VPS41: variants seen among roughly 807,000 people sequenced by gnomAD.
VPS41 encodes vacuolar protein sorting-associated protein 41 homolog.
Under a neutral mutation model 130.9 loss-of-function variants are expected in VPS41, and 85 were observed. That is an observed-to-expected ratio of 0.65 (90% CI 0.55 to 0.78). The LOEUF is 0.78. Ranked by LOEUF, VPS41 falls within the 30% of genes least tolerant of loss-of-function variation. The pLI is 0.00. For synonymous variants in VPS41, 335 were observed against 332.9 expected (o/e 1.01, Z -0.07); for missense variants, 874 against 1,018.7 (o/e 0.86, Z 1.93).
chr7:38,832,200 G>A (rs1785399432), intron 4 of VPS41, among the ~76,000 whole-genome samples: 1 of 150,674 alleles, frequency 6.6e-6, no homozygotes, highest in Non-Finnish European at 1.5e-5. Context: ...CTATTTTTAG[G>A]GTATGAGGTA....
At chr7:38,823,290 T>G (rs532137919) in intron 5 of VPS41, among the ~76,000 whole-genome samples, 1 of 152,324 alleles carries the variant, frequency 6.6e-6, no homozygotes, top group South Asian at 2.1e-4. Flanking sequence ...TCATCCCTTC[T>G]GCCATGTGAA....
At chr7:38,837,819 AT>A (rs1339266859) in intron 4 of VPS41, among the ~76,000 whole-genome samples, 1 of 152,244 alleles carries the variant, frequency 6.6e-6, no homozygotes, top group Non-Finnish European at 1.5e-5. Context: ...GTGCTAAGTT[AT>A]TAATGTTTGG....
At chr7:38,776,489 G>A (rs1784260492) in intron 11 of VPS41, among the ~76,000 whole-genome samples, 190 bp downstream of exon 11, 1 of 152,152 alleles carries the variant, frequency 6.6e-6, no homozygotes, top group South Asian at 2.1e-4. Context: ...TAGGAACAAA[G>A]GCAGGCAATG....
intron 1 of VPS41, among the ~76,000 whole-genome samples, chr7:38,900,950 G>A (rs1787126875): frequency 6.6e-6 from 1 of 152,208 alleles, no homozygotes; most frequent in Non-Finnish European, 1.5e-5. Context: ...AAGACGTAAA[G>A]TAAATGTCCT....
chr7:38,880,803 C>T (rs1017274311), intron 2 of VPS41, among the ~76,000 whole-genome samples: 1 of 152,178 alleles, frequency 6.6e-6, no homozygotes, highest in Non-Finnish European at 1.5e-5. Flanking sequence ...GACAGGAATG[C>T]CTTAAAGCCT....
chr7:38,903,868 C>G (rs1787195542), intron 1 of VPS41, among the ~76,000 whole-genome samples: 1 of 152,154 alleles, frequency 6.6e-6, no homozygotes, highest in Non-Finnish European at 1.5e-5. Flanking sequence ...CTGGGCTCAG[C>G]TACTGCACTC....
At chr7:38,727,131 C>T (rs1368421332) in intron 27 of VPS41, 143 bp from the exon 28 acceptor site, 1 of 618,894 alleles carries the variant, frequency 1.6e-6, no homozygotes, top group African/African-American at 1.9e-5. Context: ...AAAAGCATTC[C>T]TGAGGGGTGG....
At position 38,869,139 on chromosome 7, in the gene VPS41, A is replaced by C; in HGVS notation, c.168+7T>G. On this transcript the variant is annotated splice_region_variant and intron_variant, in intron 3 of 28. Transcript: ENST00000310301. ...TACAGAAGAATCCTCTGAAAGTGCTATCTTACCTTGTCATGGACTGTCATG... is the reference window on the plus strand; with the variant it reads ...TACAGAAGAATCCTCTGAAAGTGCTCTCTTACCTTGTCATGGACTGTCATG... The C allele has an allele frequency of 6.5e-7, 1 of 1,548,722 alleles. No homozygotes were observed. Among genetic ancestry groups the C allele is most frequent in the Non-Finnish European group, 8.8e-7 (1 of 1,140,696 alleles).
At chr7:38,834,859 A>G (rs1257769270) in intron 4 of VPS41, among the ~76,000 whole-genome samples, 2 of 152,018 alleles carry the variant, frequency 1.3e-5, no homozygotes, top group East Asian at 3.8e-4. Flanking sequence ...TCCAAGAAAA[A>G]AAAATAGCAC....
chr7:38,818,001 G>A (rs1483675105), intron 6 of VPS41, 119 bp from the exon 7 acceptor site: 14 of 747,928 alleles, frequency 1.9e-5, no homozygotes, highest in Non-Finnish European at 3.3e-5. Flanking sequence ...TTGGTAGGAA[G>A]TAATATATTC....
chr7:38,755,005 C>A, intron 19 of VPS41, 69 bp from the exon 20 acceptor site: 1 of 1,435,014 alleles, frequency 7.0e-7, no homozygotes, highest in Non-Finnish European at 9.8e-7. Flanking sequence ...AAACACAATG[C>A]AGTGTACCTA....
chr7:38,808,022 T>C (rs1054844564), intron 7 of VPS41, among the ~76,000 whole-genome samples: 14 of 152,138 alleles, frequency 9.2e-5, no homozygotes, highest in African/African-American at 2.2e-4. Flanking sequence ...TATGGAAATA[T>C]ATGAAAAAGT....
chr7:38,776,790 G>A lies in VPS41; in HGVS notation c.785-14C>T. 6.7e-7 allele frequency: 1 copy of A among 1,492,140 alleles called. No individual in the cohort carries two copies. Among genetic ancestry groups the A allele is most frequent in the South Asian group, 1.1e-5 (1 of 88,038 alleles). 92.4% of individuals were successfully genotyped at this position (1,492,140 alleles called of 1,614,324 possible). On this transcript the variant is annotated splice_polypyrimidine_tract_variant and intron_variant, in intron 10 of 28. Coordinates refer to ENST00000310301, the MANE Select transcript of VPS41 (RefSeq NM_014396.4). ...CAAACTGAGACACTGCAAACAAAAG[G>A]GATACAGGAGTCATCATCAACAGGG...
Position 38,733,593 on chromosome 7 carries a change from C to G in VPS41, c.2260-4802G>C, listed in dbSNP as rs528524800. Among the ~76,000 whole-genome samples the G allele has an allele frequency of 2.6e-5, 4 of 152,302 alleles. No homozygotes were observed. The South Asian group carries it at 8.3e-4, about 32-fold the overall frequency. ...CCTTTCAAAGATCAATCATTTTTAACCCACTAAAAACTTTCTCACCTGTTT... is the reference window on the plus strand; with the variant it reads ...CCTTTCAAAGATCAATCATTTTTAAGCCACTAAAAACTTTCTCACCTGTTT... On this transcript the variant is annotated intron_variant, in intron 25 of 28. Transcript: ENST00000310301.
chr7:38,839,852 T>C (rs1288694602), intron 4 of VPS41, among the ~76,000 whole-genome samples: 1 of 152,228 alleles, frequency 6.6e-6, no homozygotes, highest in Non-Finnish European at 1.5e-5. Context: ...ATGGAGAATA[T>C]ATTAATCAAA....
At chr7:38,819,510 T>A (rs1050390034) in intron 6 of VPS41, among the ~76,000 whole-genome samples, 5 of 152,208 alleles carry the variant, frequency 3.3e-5, no homozygotes, top group African/African-American at 1.2e-4. Flanking sequence ...TACTTCCTCA[T>A]CTCCAATTTA....
intron 25 of VPS41, among the ~76,000 whole-genome samples, chr7:38,735,495 GTC>G (rs1402317035): frequency 1.3e-5 from 2 of 152,094 alleles, no homozygotes; most frequent in Admixed American, 1.3e-4. Flanking sequence ...ACATGTGTGT[GTC>G]TCTGTGTGTG....
chr7:38,871,297 C>G (rs766063700), intron 2 of VPS41, among the ~76,000 whole-genome samples: 3 of 152,158 alleles, frequency 2.0e-5, no homozygotes, highest in Non-Finnish European at 4.4e-5. Context: ...TGATGAGACA[C>G]ACTAGGCAGA....
intron 7 of VPS41, among the ~76,000 whole-genome samples, chr7:38,817,549 C>T (rs112083558): frequency 8.5e-5 from 13 of 152,222 alleles, no homozygotes; most frequent in Admixed American, 1.3e-4. Context: ...ACCCAGGAGG[C>T]GGAGGCTGCA....
Sources: allele counts gnomAD v4.1 joint callset (sites outside exome capture counted in the v4.1 genomes callset), GRCh38; gene constraint gnomAD v4.1.1; transcripts MANE v1.5; gene names NCBI Gene and HGNC (gene_info 2026-07-23, HGNC 2026-07-21).